Variants in GHR observed in about 807,000 individuals in gnomAD.
GHR encodes GH receptor.
A neutral mutation model predicts 67.1 loss-of-function variants in GHR; 35 were observed. The observed-to-expected ratio is 0.52, with a 90% CI of 0.40 to 0.69. The LOEUF is 0.69. Ranked by LOEUF, GHR falls within the 30% of genes least tolerant of loss-of-function variation. The probability of loss-of-function intolerance (pLI) is 0.00; values close to 1 mark genes in which losing one functional copy is unlikely to be tolerated. For missense variants in GHR, 792 were observed against 764.6 expected (o/e 1.04, Z -0.42); for synonymous variants, 272 against 269.1 (o/e 1.01, Z -0.10).
intron 1 of GHR, among the ~76,000 whole-genome samples, chr5:42,491,252 C>G (rs991596280): frequency 6.6e-6 from 1 of 152,206 alleles, no homozygotes; most frequent in African/African-American, 2.4e-5. Context: ...TAGAGGTATA[C>G]TCAGAAAATG....
intron 1 of GHR, among the ~76,000 whole-genome samples, chr5:42,463,971 C>T (rs1485466802): frequency 1.8e-5 from 2 of 109,086 alleles, no homozygotes; most frequent in African/African-American, 7.3e-5. Context: ...CCAGCCTGGG[C>T]GACAGAGCGA....
rs564179590 is a variant in GHR at position 42,573,745 on chromosome 5, T to G, written c.70+7801T>G. Among the ~76,000 whole-genome samples the G allele has an allele frequency of 3.9e-5, 6 of 152,302 alleles. No individual in the cohort carries two copies. In the East Asian group the frequency reaches 1.2e-3, roughly 29 times the overall value. ...GCCCCATTCCTTAAATATCAAGTCT[T>G]TCTAATTTTCCAATGAGAGCACATG... On this transcript the variant is annotated intron_variant, in intron 2 of 9. Transcript: ENST00000230882.
chr5:42,662,661 C>A (rs1172699296), intron 3 of GHR, among the ~76,000 whole-genome samples: 2 of 151,984 alleles, frequency 1.3e-5, no homozygotes, highest in Non-Finnish European at 2.9e-5. Context: ...CAGGAAAGAT[C>A]CAAAATTGAC....
At chr5:42,641,137 C>A (rs777052917) in intron 3 of GHR, among the ~76,000 whole-genome samples, 1 of 152,162 alleles carries the variant, frequency 6.6e-6, no homozygotes, top group African/African-American at 2.4e-5. Flanking sequence ...TCCTCCTTCC[C>A]CTGATAGACT....
Position 42,711,350 on chromosome 5 carries a change from G to A in GHR, c.762G>A (p.Met254Ile). 3 of 1,612,474 alleles carry A rather than the reference G, an allele frequency of 1.9e-6. No homozygotes were observed. The highest frequency in any genetic ancestry group is 2.5e-6 in the Non-Finnish European group (3 of 1,178,532). Residue 254 changes from methionine to isoleucine, a missense_variant, in exon 7 of 10, where the codon ATG (methionine) becomes ATA (isoleucine). By Grantham distance (10) the Met-to-Ile change is conservative (BLOSUM62 1). Coordinates refer to ENST00000230882, the MANE Select transcript of GHR (RefSeq NM_000163.5). ...TGCTCTATGTAACACTTCCTCAGAT[G>A]AGCCAATTTACATGTGAAGAAGGTA... ...SEVLYVTLPQ[M>I]SQFTCEEDFY...
At chr5:42,620,443 T>C (rs773573591) in intron 2 of GHR, among the ~76,000 whole-genome samples, 9 of 152,124 alleles carry the variant, frequency 5.9e-5, no homozygotes, top group Non-Finnish European at 1.0e-4. Context: ...TTATTATTCA[T>C]TGGGCAGTTA....
Position 42,700,015 on chromosome 5 carries a change from T to C in GHR, c.618+13T>C, listed in dbSNP as rs145551579. On this transcript the variant is annotated intron_variant, in intron 6 of 9. Coordinates refer to ENST00000230882, the MANE Select transcript of GHR (RefSeq NM_000163.5). ...TAAATGGAAAATGGTAAGATGTTGC[T>C]ACACCTTACACTTTGACTTTTCTTT... is the stretch of plus-strand genomic sequence containing the variant. 1.2e-4 allele frequency: 183 copies of C among 1,497,918 alleles called. No individual in the cohort carries two copies. The African/African-American group carries it at 2.3e-3, about 19-fold the overall frequency. The allele number at this position is 1,497,918 out of a possible 1,614,324, so 92.8% of individuals were successfully genotyped here.
At chr5:42,540,507 A>T (rs1748458635) in intron 1 of GHR, among the ~76,000 whole-genome samples, 1 of 152,158 alleles carries the variant, frequency 6.6e-6, no homozygotes, top group Non-Finnish European at 1.5e-5. Context: ...AGAAAAAAAC[A>T]TTCAAAGAAC....
rs531489918 is a variant in GHR, at chr5:42,443,346, T to C, written c.-12+19391T>C. The stretch of plus-strand genomic sequence containing the variant: ...CTTACCTTCATTCCTTCCAGTTAAA[T>C]AGAAGACCATTGTATAGTTCATTTT... On this transcript the variant is annotated intron_variant, in intron 1 of 9. Transcript: ENST00000230882. Among the ~76,000 whole-genome samples the C allele has an allele frequency of 5.9e-5, 9 of 152,326 alleles. No homozygotes were observed. In the South Asian group the frequency reaches 1.5e-3, roughly 25 times the overall value.
At chr5:42,464,895 C>A (rs1382038819) in intron 1 of GHR, among the ~76,000 whole-genome samples, 2 of 152,066 alleles carry the variant, frequency 1.3e-5, no homozygotes, top group Non-Finnish European at 2.9e-5. Flanking sequence ...CATAGTAACA[C>A]AAATGGATGA....
intron 1 of GHR, among the ~76,000 whole-genome samples, chr5:42,482,108 C>T (rs969538499): frequency 6.6e-6 from 1 of 152,150 alleles, no homozygotes; most frequent in Non-Finnish European, 1.5e-5. Context: ...CAGACAGGAC[C>T]CTCAGCTGCA....
At chr5:42,468,898 A>G (rs555292910) in intron 1 of GHR, 5 of 686,450 alleles carry the variant, frequency 7.3e-6, no homozygotes, top group Non-Finnish European at 9.4e-6. Flanking sequence ...TCCTCCACGG[A>G]TTGCAGCGGG....
At chr5:42,572,924 T>G (rs1281595582) in intron 2 of GHR, among the ~76,000 whole-genome samples, 1 of 152,188 alleles carries the variant, frequency 6.6e-6, no homozygotes, top group Non-Finnish European at 1.5e-5. Context: ...CTCTTCTAAA[T>G]GAAGTTATAA....
intron 2 of GHR, among the ~76,000 whole-genome samples, chr5:42,604,888 C>T (rs1752549063): frequency 6.6e-6 from 1 of 151,918 alleles, no homozygotes; most frequent in Non-Finnish European, 1.5e-5. Flanking sequence ...AAATCAGTTA[C>T]CTCCATTTCA....
At chr5:42,670,865 T>TAAA (rs71608658) in intron 3 of GHR, among the ~76,000 whole-genome samples, 8 of 112,188 alleles carry the variant, frequency 7.1e-5, no homozygotes, top group African/African-American at 1.9e-4. Context: ...AAGCAAAAAT[T>TAAA]AAAAAAAAAA....
At position 42,686,643 on chromosome 5, in the gene GHR, A is replaced by G. The variant is rs189058953; in HGVS notation, c.137-2247A>G. On this transcript the variant is annotated intron_variant, in intron 3 of 9. Transcript: ENST00000230882. ...AATTCAACAGCCTTTCATGCTAAAAACTCTCAATTAACTAGGTATTCATGG... is the reference window on the plus strand; with the variant it reads ...AATTCAACAGCCTTTCATGCTAAAAGCTCTCAATTAACTAGGTATTCATGG... 5.2e-3 allele frequency among the ~76,000 whole-genome samples: 789 copies of G among 152,106 alleles called. 5 individuals carry two copies. Among genetic ancestry groups the G allele is most frequent in the Non-Finnish European group, 8.4e-3 (568 of 67,978 alleles).
At chr5:42,658,692 T>C (rs938896107) in intron 3 of GHR, among the ~76,000 whole-genome samples, 1 of 152,098 alleles carries the variant, frequency 6.6e-6, no homozygotes, top group African/African-American at 2.4e-5. Context: ...ACATTTTACT[T>C]GTCACACTGG....
At chr5:42,714,539 C>T (rs531445221) in intron 8 of GHR, among the ~76,000 whole-genome samples, 5 of 152,208 alleles carry the variant, frequency 3.3e-5, no homozygotes, top group East Asian at 1.9e-4. Flanking sequence ...ATTATTGGGA[C>T]GCTAGATTTC....
intron 2 of GHR, among the ~76,000 whole-genome samples, chr5:42,620,574 G>C (rs777234773): frequency 6.6e-6 from 1 of 152,134 alleles, no homozygotes; most frequent in Non-Finnish European, 1.5e-5. Context: ...AAGAAAAATT[G>C]CTTCCTAAAG....
Sources: gnomAD v4.1 joint callset for allele counts (sites outside exome capture counted in the v4.1 genomes callset) on GRCh38, gnomAD v4.1.1 for gene constraint, MANE v1.5 for transcripts, NCBI Gene and HGNC (gene_info 2026-07-23, HGNC 2026-07-21) for gene names.